Variants in GPR107 observed in about 807,000 individuals in gnomAD.
The protein encoded by GPR107 is G protein-coupled receptor 107, also known as protein GPR107.
Under a neutral mutation model 75.5 loss-of-function variants are expected in GPR107, and 31 were observed. That is an observed-to-expected ratio of 0.41 (90% CI 0.31 to 0.55). The LOEUF is 0.55. GPR107 is among the 20% of genes least tolerant of loss of function. GPR107 has a pLI of 0.26. For missense variants in GPR107, 572 were observed against 665.7 expected (o/e 0.86, Z 1.55); for synonymous variants, 267 against 251.3 (o/e 1.06, Z -0.59).
chr9:130,079,305 C>T (rs186684174), intron 4 of GPR107, among the ~76,000 whole-genome samples: 161 of 152,250 alleles, frequency 1.1e-3, no homozygotes, highest in Non-Finnish European at 1.4e-3. Flanking sequence ...ACATTTTGTC[C>T]GTTTCTCTTG....
chr9:130,107,602 T>G, intron 14 of GPR107, 63 bp downstream of exon 14: 1 of 1,027,896 alleles, frequency 9.7e-7, no homozygotes, highest in Non-Finnish European at 1.6e-6. Flanking sequence ...GCTGCGGCAC[T>G]GCGGAGGAGT....
chr9:130,053,946 C>G lies in GPR107; in HGVS notation c.14C>G (p.Ala5Gly). The part of the protein sequence containing the change: MAAL[A>G]PVGSPASRGP... ...GCTGGAACAAACATGGCCGCTCTGG[C>G]GCCCGTCGGCTCCCCCGCCTCCCGC... Residue 5 changes from alanine (A) to glycine (G), a missense_variant, in exon 1 of 18, where the codon GCG becomes GGG. Coordinates refer to ENST00000347136, the MANE Select transcript of GPR107 (RefSeq NM_020960.5). 6.4e-7 allele frequency: 1 copy of G among 1,556,296 alleles called. No homozygotes were observed. Among genetic ancestry groups the G allele is most frequent in the Non-Finnish European group, 8.7e-7 (1 of 1,151,742 alleles).
At chr9:130,054,279 A>T (rs983290699) in intron 1 of GPR107, among the ~76,000 whole-genome samples, 8 of 152,044 alleles carry the variant, frequency 5.3e-5, no homozygotes, top group Admixed American at 5.2e-4. Flanking sequence ...ACGGGGCGGG[A>T]AGACTCGAGC....
intron 14 of GPR107, among the ~76,000 whole-genome samples, chr9:130,123,056 T>G (rs181994294): frequency 6.6e-6 from 1 of 152,272 alleles, no homozygotes; most frequent in Non-Finnish European, 1.5e-5. Context: ...CTTTTTCTGT[T>G]GTTTTTTGAG....
Position 130,136,403 on chromosome 9 carries a change from A to G in GPR107, c.*1282A>G, listed in dbSNP as rs1268428352. The G allele has an allele frequency of 6.6e-6, 1 of 152,234 alleles. No homozygotes were observed. The highest frequency in any genetic ancestry group is 1.5e-5 in the Non-Finnish European group (1 of 68,042). The allele number at this position is 152,234 out of a possible 1,614,324, so 9.4% of individuals were successfully genotyped here. On this transcript the variant is annotated 3_prime_UTR_variant, in exon 18 of 18. Transcript: ENST00000347136. ...TGACTGAGGGCTTAAAAGGAGACCAAAACATGGCCCCATCAGGGAAGCTTC... is the reference window on the plus strand; with the variant it reads ...TGACTGAGGGCTTAAAAGGAGACCAGAACATGGCCCCATCAGGGAAGCTTC...
At chr9:130,110,753 G>C (rs1831276875) in intron 14 of GPR107, among the ~76,000 whole-genome samples, 1 of 95,590 alleles carries the variant, frequency 1.0e-5, no homozygotes, top group African/African-American at 3.8e-5. Context: ...GCGGCTATGT[G>C]CTGTGAAGCT....
chr9:130,095,148 A>G (rs551728228), intron 9 of GPR107, among the ~76,000 whole-genome samples: 14 of 152,014 alleles, frequency 9.2e-5, no homozygotes, highest in East Asian at 1.9e-4. Flanking sequence ...TTTCTTGGCT[A>G]TGAAACTGGG....
chr9:130,064,766 C>G (rs1314632807), intron 1 of GPR107, among the ~76,000 whole-genome samples: 1 of 152,028 alleles, frequency 6.6e-6, no homozygotes, highest in Non-Finnish European at 1.5e-5. Context: ...GCCATTATAA[C>G]AAGTGGAGAG....
intron 5 of GPR107, among the ~76,000 whole-genome samples, chr9:130,081,841 G>A (rs1198153426): frequency 6.6e-6 from 1 of 152,092 alleles, no homozygotes; most frequent in Admixed American, 6.6e-5. Flanking sequence ...GGGTGACAGA[G>A]TGAGAGCCTG....
chr9:130,114,714 A>T (rs930423050), intron 14 of GPR107: 4 of 1,036,200 alleles, frequency 3.9e-6, no homozygotes, highest in Non-Finnish European at 4.7e-6. Context: ...ATATTTGTAG[A>T]TATAATCATA....
At position 130,135,199 on chromosome 9, in the gene GPR107, T is replaced by C; in HGVS notation, c.*78T>C. ...AGTCCTATTGGACAGCAGGAGCAGCTCCTACAGTGAACTATTGGCACCACC... is the reference window on the plus strand; with the variant it reads ...AGTCCTATTGGACAGCAGGAGCAGCCCCTACAGTGAACTATTGGCACCACC... On this transcript the variant is annotated 3_prime_UTR_variant, in exon 18 of 18. Coordinates refer to ENST00000347136, the MANE Select transcript of GPR107 (RefSeq NM_020960.5). The C allele has an allele frequency of 1.4e-6, 1 of 728,686 alleles. No individual in the cohort carries two copies. Among genetic ancestry groups the C allele is most frequent in the East Asian group, 2.7e-5 (1 of 36,934 alleles). 45.1% of individuals were successfully genotyped at this position (728,686 alleles called of 1,614,324 possible). A position where few individuals can be genotyped will look rare whatever the true frequency, so the allele number is the denominator to read the frequency against.
At position 130,076,403 on chromosome 9, in the gene GPR107, C is replaced by A; in HGVS notation, c.256-9C>A. 1 of 1,510,476 alleles carries A rather than the reference C, an allele frequency of 6.6e-7. No individual in the cohort carries two copies. The highest frequency in any genetic ancestry group is 9.2e-7 in the Non-Finnish European group (1 of 1,085,884). 93.6% of individuals were successfully genotyped at this position (1,510,476 alleles called of 1,614,324 possible). A position where few individuals can be genotyped will look rare whatever the true frequency, so the allele number is the denominator to read the frequency against. ...GATATTTACTTCTACTGTTTTTACT[C>A]CCCATTAGATTGGATTTAGCCTAGA... On this transcript the variant is annotated splice_polypyrimidine_tract_variant and intron_variant, in intron 2 of 17. Coordinates refer to ENST00000347136, the MANE Select transcript of GPR107 (RefSeq NM_020960.5).
chr9:130,092,244 T>C lies in GPR107; in HGVS notation c.730-4T>C, dbSNP rs755787155. 4.9e-5 allele frequency: 79 copies of C among 1,609,140 alleles called. No individual in the cohort carries two copies. Among genetic ancestry groups the C allele is most frequent in the Non-Finnish European group, 6.5e-5 (76 of 1,176,044 alleles). ...AGTAAAAATTAATTTCATGCTGGTT[T>C]CAGATTGAGATCACAGAGAAGAATC... On this transcript the variant is annotated splice_region_variant and splice_polypyrimidine_tract_variant and intron_variant, in intron 8 of 17. Coordinates refer to ENST00000347136, the MANE Select transcript of GPR107 (RefSeq NM_020960.5).
At chr9:130,071,035 CTTT>C (rs56799662) in intron 1 of GPR107, among the ~76,000 whole-genome samples, 1 of 98,178 alleles carries the variant, frequency 1.0e-5, no homozygotes, top group Non-Finnish European at 1.8e-5. Flanking sequence ...TTTTTTTTTT[CTTT>C]TTTTTTTTTT....
In GPR107 at chr9:130,094,656, A is replaced by G. The variant is rs12683360; in HGVS notation, c.863+2275A>G. On this transcript the variant is annotated intron_variant, in intron 9 of 17. Transcript: ENST00000347136. Reference sequence around the variant, plus strand: ...TTAAAGTTTTTGGGTGGGTTTTTTTATTTTGTTTTGTTTTGTTTGTTTTTG... The same window carrying G: ...TTAAAGTTTTTGGGTGGGTTTTTTTGTTTTGTTTTGTTTTGTTTGTTTTTG... Among the ~76,000 whole-genome samples, 497 of 151,378 alleles carry G rather than the reference A, an allele frequency of 3.3e-3. 4 individuals carry two copies. The highest frequency in any genetic ancestry group is 0.011 in the African/African-American group (435 of 41,218).
chr9:130,071,558 TG>T (rs2132553553), intron 1 of GPR107, among the ~76,000 whole-genome samples: 1 of 152,222 alleles, frequency 6.6e-6, no homozygotes, highest in East Asian at 1.9e-4. Flanking sequence ...TTAACCACAC[TG>T]AGCTGAGCGA....
At chr9:130,055,291 C>T (rs1829735982) in intron 1 of GPR107, among the ~76,000 whole-genome samples, 2 of 127,944 alleles carry the variant, frequency 1.6e-5, no homozygotes, top group African/African-American at 2.9e-5. Flanking sequence ...CACGGTGAAA[C>T]CCTATCTCTA....
chr9:130,055,515 G>A (rs1441405926), intron 1 of GPR107, among the ~76,000 whole-genome samples: 6 of 108,072 alleles, frequency 5.6e-5, no homozygotes, highest in African/African-American at 1.9e-4. Context: ...GCAACAGCGC[G>A]AGACTCCGTC....
intron 1 of GPR107, among the ~76,000 whole-genome samples, chr9:130,055,972 A>C (rs969423741): frequency 6.6e-6 from 1 of 151,592 alleles, no homozygotes; most frequent in East Asian, 1.9e-4. Flanking sequence ...TAAATAAATA[A>C]ATGCAAGCCT....
Sources: allele counts gnomAD v4.1 joint callset (sites outside exome capture counted in the v4.1 genomes callset), GRCh38; gene constraint gnomAD v4.1.1; transcripts MANE v1.5; gene names NCBI Gene and HGNC (gene_info 2026-07-23, HGNC 2026-07-21).